Variants in TLE4 observed in about 807,000 individuals in gnomAD.
TLE4 encodes the protein transducin-like enhancer protein 4.
A neutral mutation model predicts 92.8 loss-of-function variants in TLE4; 8 were observed. The ratio of observed to expected loss-of-function variants is 0.09; its 90% CI spans 0.05 to 0.16. TLE4 has a LOEUF of 0.16. TLE4 is among the 10% of genes least tolerant of loss of function. The pLI, the probability that TLE4 is intolerant of heterozygous loss-of-function variation, is 1.00. For missense variants in TLE4, 675 were observed against 997.6 expected (o/e 0.68, Z 4.36); for synonymous variants, 371 against 374.1 (o/e 0.99, Z 0.10).
intron 4 of TLE4, among the ~76,000 whole-genome samples, chr9:79,592,275 CTTTT>C (rs1170642342): frequency 2.8e-5 from 3 of 106,912 alleles, no homozygotes; most frequent in Admixed American, 9.9e-5. Context: ...TCTTCTTCTT[CTTTT>C]TTTTTTTTTT....
At chr9:79,668,932 T>G in intron 8 of TLE4, 1 of 664,578 alleles carries the variant, frequency 1.5e-6, no homozygotes, top group Non-Finnish European at 1.9e-6. Flanking sequence ...TCATGAGGAA[T>G]TATCAATGCA....
chr9:79,614,833 G>A (rs1420583813), intron 5 of TLE4, among the ~76,000 whole-genome samples: 1 of 151,974 alleles, frequency 6.6e-6, no homozygotes, highest in Non-Finnish European at 1.5e-5. Context: ...TATCGTTAGT[G>A]TATTTTATGT....
At chr9:79,709,837 ATT>A (rs1232102082) in intron 14 of TLE4, 138 bp downstream of exon 14, 2 of 628,652 alleles carry the variant, frequency 3.2e-6, no homozygotes, top group Non-Finnish European at 5.2e-6. Context: ...GGTATTTTTC[ATT>A]TTCTCTTAGC....
intron 8 of TLE4, among the ~76,000 whole-genome samples, chr9:79,687,180 C>T (rs74736122): frequency 1.3e-3 from 202 of 152,314 alleles, no homozygotes; most frequent in Non-Finnish European, 1.7e-3. Context: ...ATCGTAATTG[C>T]CCTTGGATCC....
chr9:79,708,482 A>T, intron 12 of TLE4, 111 bp from the exon 13 acceptor site: 1 of 1,208,048 alleles, frequency 8.3e-7, no homozygotes, highest in African/African-American at 1.5e-5. Context: ...TTTTGAGAAT[A>T]TTAAAATAAG....
chr9:79,645,467 T>G (rs1038871412), intron 6 of TLE4, among the ~76,000 whole-genome samples: 1 of 152,210 alleles, frequency 6.6e-6, no homozygotes, highest in Non-Finnish European at 1.5e-5. Flanking sequence ...GGTCAATGAC[T>G]TGTCAGTCCC....
intron 8 of TLE4, among the ~76,000 whole-genome samples, chr9:79,686,293 T>C (rs1282861634): frequency 1.3e-5 from 2 of 152,210 alleles, no homozygotes; most frequent in African/African-American, 2.4e-5. Context: ...TTTAGGCATA[T>C]TAATCTTTTT....
chr9:79,599,747 A>T (rs2045102148), intron 4 of TLE4, among the ~76,000 whole-genome samples: 1 of 152,234 alleles, frequency 6.6e-6, no homozygotes, highest in East Asian at 1.9e-4. Context: ...CATCTGCAAC[A>T]TGTGGTATAG....
At chr9:79,724,729 C>T (rs1171795823) in intron 19 of TLE4, among the ~76,000 whole-genome samples, 1 of 151,728 alleles carries the variant, frequency 6.6e-6, no homozygotes, top group Non-Finnish European at 1.5e-5. Context: ...GTGTCGTAGT[C>T]CCAGCATCTC....
rs975399967 is a variant in TLE4, at chr9:79,591,628, G to A, written c.252+15451G>A. 2.6e-5 allele frequency among the ~76,000 whole-genome samples: 4 copies of A among 152,150 alleles called. No individual in the cohort carries two copies. The South Asian group carries it at 8.3e-4, about 32-fold the overall frequency. On this transcript the variant is annotated intron_variant, in intron 4 of 19. Transcript: ENST00000376552. ...GATTTGAGTGGAGAGGGGCGTGACT[G>A]GAGAGGGACAGGGTGGAGGAAGTGA...
chr9:79,586,914 T>A (rs1206572872), intron 4 of TLE4, among the ~76,000 whole-genome samples: 3 of 152,234 alleles, frequency 2.0e-5, no homozygotes, highest in Non-Finnish European at 4.4e-5. Context: ...TTCGGGTAAA[T>A]GGACTACCCA....
intron 6 of TLE4, among the ~76,000 whole-genome samples, chr9:79,628,999 A>G (rs1052220257): frequency 2.0e-5 from 3 of 151,994 alleles, no homozygotes; most frequent in African/African-American, 4.8e-5. Context: ...CAAATCTTCC[A>G]GGGGTCAGAA....
rs939582687 is a variant in TLE4 at position 79,591,813 on chromosome 9, T to G, written c.252+15636T>G. ...CCATTCATTGATAGAAAAAGATACT[T>G]TAGAAGGGGAGAACTTGGTGTTGAT... On this transcript the variant is annotated intron_variant, in intron 4 of 19. Coordinates refer to ENST00000376552, the MANE Select transcript of TLE4 (RefSeq NM_007005.6). 2.8e-4 allele frequency among the ~76,000 whole-genome samples: 43 copies of G among 152,102 alleles called. 1 individual carries two copies. Among genetic ancestry groups the G allele is most frequent in the Admixed American group, 2.0e-3 (30 of 15,282 alleles).
chr9:79,591,395 A>G (rs1036549008), intron 4 of TLE4, among the ~76,000 whole-genome samples: 5 of 152,138 alleles, frequency 3.3e-5, no homozygotes, highest in African/African-American at 9.7e-5. Context: ...TTCCAGCTTT[A>G]TTGAGTGGTA....
At chr9:79,666,222 T>TTTTG (rs2061391501) in intron 8 of TLE4, among the ~76,000 whole-genome samples, 1 of 54,074 alleles carries the variant, frequency 1.8e-5, no homozygotes. Flanking sequence ...TTTTTGTTTT[T>TTTTG]TTTTTTTTTT....
chr9:79,627,456 G>T lies in TLE4; in HGVS notation c.390+8G>T, dbSNP rs750825280. 6 of 1,613,860 alleles carry T rather than the reference G, an allele frequency of 3.7e-6. No individual in the cohort carries two copies. In the South Asian group the frequency reaches 6.6e-5, roughly 18 times the overall value. On this transcript the variant is annotated splice_region_variant and intron_variant, in intron 6 of 19. Coordinates refer to ENST00000376552, the MANE Select transcript of TLE4 (RefSeq NM_007005.6). ...CTGAACGCCATCATTGGGGTACGTG[G>T]CCTTTCCATTTTAGCTCTGATCTTA...
rs191298281 is a variant in TLE4 at position 79,634,749 on chromosome 9, G to A, written c.390+7301G>A. On this transcript the variant is annotated intron_variant, in intron 6 of 19. Coordinates refer to ENST00000376552, the MANE Select transcript of TLE4 (RefSeq NM_007005.6). ...TCATGTAAATGGAATTATATATCAT[G>A]TAGCCTTCCGAGGTTTCTTCTTTTA... Among the ~76,000 whole-genome samples the A allele has an allele frequency of 3.3e-5, 5 of 152,238 alleles. No individual in the cohort carries two copies. The East Asian group carries it at 9.7e-4, about 29-fold the overall frequency.
rs1004173522 is a variant in TLE4, at chr9:79,592,186, T to C, written c.252+16009T>C. 9.7e-5 allele frequency among the ~76,000 whole-genome samples: 9 copies of C among 92,382 alleles called. No homozygotes were observed. The East Asian group carries it at 2.6e-3, about 27-fold the overall frequency. 60.6% of individuals were successfully genotyped at this position (92,382 alleles called of 152,430 possible). A position where few individuals can be genotyped will look rare whatever the true frequency, so the allele number is the denominator to read the frequency against. ...CTTCTTCTTCCTCTTCCTCTTCCTC[T>C]TCTTCTTCTTCTTCTTCTTCTTCTT... On this transcript the variant is annotated intron_variant, in intron 4 of 19. Transcript: ENST00000376552.
chr9:79,638,418 T>C (rs945846759), intron 6 of TLE4, among the ~76,000 whole-genome samples: 25 of 152,122 alleles, frequency 1.6e-4, no homozygotes, highest in African/African-American at 5.8e-4. Flanking sequence ...AAAAAAATGG[T>C]TTTGACTAAA....
Sources: gnomAD v4.1 joint callset for allele counts (sites outside exome capture counted in the v4.1 genomes callset) on GRCh38, gnomAD v4.1.1 for gene constraint, MANE v1.5 for transcripts, NCBI Gene and HGNC (gene_info 2026-07-23, HGNC 2026-07-21) for gene names.